Variants in HHAT observed in about 807,000 individuals in gnomAD.
HHAT encodes hedgehog acyltransferase, also known as protein-cysteine N-palmitoyltransferase HHAT.
HHAT carries 47 observed loss-of-function variants against 70.8 expected under a neutral mutation model. The ratio of observed to expected loss-of-function variants is 0.66; its 90% CI spans 0.53 to 0.85. The LOEUF (loss-of-function observed/expected upper bound fraction) is 0.85. Among genes scored for constraint, HHAT ranks in the 40% least tolerant of loss-of-function variants. The pLI is 0.00. For synonymous variants in HHAT, 228 were observed against 247.6 expected (o/e 0.92, Z 0.74); for missense variants, 609 against 604.8 (o/e 1.01, Z -0.07).
At chr1:210,497,831 T>A (rs2094679458) in intron 8 of HHAT, among the ~76,000 whole-genome samples, 1 of 151,086 alleles carries the variant, frequency 6.6e-6, no homozygotes, top group East Asian at 1.9e-4. Flanking sequence ...AGTGGCGCAA[T>A]CTTGACTCAC....
At chr1:210,348,137 C>T (rs1236897509) in intron 1 of HHAT, among the ~76,000 whole-genome samples, 1 of 152,150 alleles carries the variant, frequency 6.6e-6, no homozygotes, top group Non-Finnish European at 1.5e-5. Flanking sequence ...CCCAGCTACT[C>T]AGGAGGCTGA....
At chr1:210,632,389 C>T (rs892798305) in intron 11 of HHAT, among the ~76,000 whole-genome samples, 1 of 152,138 alleles carries the variant, frequency 6.6e-6, no homozygotes, top group Non-Finnish European at 1.5e-5. Flanking sequence ...AAGGGAACAG[C>T]TCTTTGTCTT....
intron 11 of HHAT, among the ~76,000 whole-genome samples, chr1:210,651,818 A>G (rs1419217326): frequency 3.3e-5 from 5 of 152,238 alleles, no homozygotes; most frequent in Non-Finnish European, 5.9e-5. Flanking sequence ...AAACCTGGGC[A>G]TCCAAGTAAG....
chr1:210,642,871 C>A (rs1673242804), intron 11 of HHAT, among the ~76,000 whole-genome samples: 1 of 151,982 alleles, frequency 6.6e-6, no homozygotes. Context: ...CAGTGAGTTC[C>A]TTCATTGTTA....
At chr1:210,518,008 C>T (rs560023137) in intron 9 of HHAT, among the ~76,000 whole-genome samples, 14 of 152,144 alleles carry the variant, frequency 9.2e-5, no homozygotes, top group African/African-American at 1.9e-4. Flanking sequence ...TACAATTTGA[C>T]GTTTTGATGT....
At chr1:210,381,522 C>T (rs1403097693) in intron 3 of HHAT, among the ~76,000 whole-genome samples, 1 of 152,158 alleles carries the variant, frequency 6.6e-6, no homozygotes, top group Non-Finnish European at 1.5e-5. Context: ...CTCAAGCTAT[C>T]CACCCACCTT....
At chr1:210,546,688 G>A (rs12038201) in intron 9 of HHAT, among the ~76,000 whole-genome samples, 10,289 of 152,196 alleles carry the variant, frequency 0.068, 676 homozygotes, top group East Asian at 0.3. Flanking sequence ...TGTGGAGAGC[G>A]TATGGCAGCT....
intron 7 of HHAT, chr1:210,462,337 T>C (rs2148431273): frequency 6.6e-6 from 1 of 152,350 alleles, no homozygotes; most frequent in East Asian, 1.9e-4. Context: ...TAATCAGTCA[T>C]TCTTACTTTT....
intron 9 of HHAT, among the ~76,000 whole-genome samples, chr1:210,576,539 ATAGCATTAGGAGATATACCTAATGC>A (rs1657802911): frequency 7.0e-6 from 1 of 143,120 alleles, no homozygotes; most frequent in South Asian, 2.5e-4. Context: ...GGGGGGAGGG[ATAGCATTAGGAGATATACCTAATGC>A]TAAATGACGA....
chr1:210,435,573 G>C (rs6681264), intron 7 of HHAT, among the ~76,000 whole-genome samples: 16,977 of 151,642 alleles, frequency 0.11, 1,127 homozygotes, highest in Non-Finnish European at 0.14. Flanking sequence ...GGCTGTAGTA[G>C]TTTACATTCC....
chr1:210,653,839 G>A (rs1461143055), intron 11 of HHAT, among the ~76,000 whole-genome samples: 1 of 63,212 alleles, frequency 1.6e-5, no homozygotes, highest in Non-Finnish European at 3.7e-5. Flanking sequence ...TGCTTGTTGA[G>A]GGAGGGTCTT....
At chr1:210,349,113 T>A in intron 2 of HHAT, 47 bp downstream of exon 2, 1 of 1,587,978 alleles carries the variant, frequency 6.3e-7, no homozygotes, top group Non-Finnish European at 8.6e-7. Flanking sequence ...AGGAAACTCC[T>A]GTCAAAAAAA....
chr1:210,527,734 A>T (rs900312712), intron 9 of HHAT, among the ~76,000 whole-genome samples: 2 of 152,224 alleles, frequency 1.3e-5, no homozygotes, highest in African/African-American at 4.8e-5. Context: ...TGGTGCGCCA[A>T]CAGGGTGGCC....
At chr1:210,534,480 G>A (rs970874745) in intron 9 of HHAT, among the ~76,000 whole-genome samples, 1 of 152,050 alleles carries the variant, frequency 6.6e-6, no homozygotes, top group Non-Finnish European at 1.5e-5. Flanking sequence ...AAATACAGGT[G>A]GAGTACCCCT....
At chr1:210,441,635 A>G (rs945176144) in intron 7 of HHAT, among the ~76,000 whole-genome samples, 1 of 152,190 alleles carries the variant, frequency 6.6e-6, no homozygotes, top group African/African-American at 2.4e-5. Flanking sequence ...TTAATAGTAT[A>G]GTGATAATAG....
chr1:210,599,009 G>A (rs1663638857), intron 10 of HHAT, among the ~76,000 whole-genome samples: 1 of 152,078 alleles, frequency 6.6e-6, no homozygotes, highest in Non-Finnish European at 1.5e-5. Flanking sequence ...ACTGAGAGCT[G>A]AACATTCACG....
At chr1:210,541,499 G>A (rs1307363432) in intron 9 of HHAT, among the ~76,000 whole-genome samples, 3 of 152,112 alleles carry the variant, frequency 2.0e-5, no homozygotes, top group South Asian at 4.1e-4. Context: ...AGGCTGAGGC[G>A]GCAGATCACT....
chr1:210,618,066 AACC>A (rs1668101412), intron 10 of HHAT, among the ~76,000 whole-genome samples: 1 of 152,192 alleles, frequency 6.6e-6, no homozygotes, highest in Non-Finnish European at 1.5e-5. Context: ...ATCCTTGAGG[AACC>A]TACTATGCTG....
At chr1:210,404,740 T>A in intron 6 of HHAT, 61 bp downstream of exon 6, 1 of 1,352,894 alleles carries the variant, frequency 7.4e-7, no homozygotes, top group Non-Finnish European at 1.0e-6. Flanking sequence ...GCTGTTGCTC[T>A]GGTCTTCTCT....
Sources: allele counts gnomAD v4.1 joint callset (sites outside exome capture counted in the v4.1 genomes callset), GRCh38; gene constraint gnomAD v4.1.1; transcripts MANE v1.5; gene names NCBI Gene and HGNC (gene_info 2026-07-23, HGNC 2026-07-21).